The following EYS variants were observed in gnomAD, a reference collection of about 807,000 sequenced individuals.
The protein encoded by EYS is EGF-like photoreceptor maintenance factor.
A neutral mutation model predicts 282.1 loss-of-function variants in EYS; 250 were observed. The observed-to-expected ratio is 0.89, with a 90% CI of 0.80 to 0.98. The LOEUF is 0.98. EYS is among the 50% of genes least tolerant of loss of function. The pLI is 0.00. For synonymous variants in EYS, 1,355 were observed against 1,282.9 expected, an observed-to-expected ratio of 1.06 and a Z score of -1.20; for missense variants, 4,016 against 3,709.0, an observed-to-expected ratio of 1.08 and a Z score of -2.15.
intron 2 of EYS, among the ~76,000 whole-genome samples, chr6:65,512,425 C>A (rs1766923565): frequency 6.8e-6 from 1 of 147,170 alleles, no homozygotes; most frequent in Non-Finnish European, 1.5e-5. Context: ...GGAGGCGGAG[C>A]TTGCAGTGAG....
At chr6:64,532,894 T>C (rs1461776571) in intron 26 of EYS, among the ~76,000 whole-genome samples, 1 of 152,064 alleles carries the variant, frequency 6.6e-6, no homozygotes, top group Non-Finnish European at 1.5e-5. Context: ...AACCCCCTAT[T>C]TTGGATTCAG....
At chr6:65,175,359 T>C (rs1765200369) in intron 12 of EYS, among the ~76,000 whole-genome samples, 1 of 151,298 alleles carries the variant, frequency 6.6e-6, no homozygotes, top group African/African-American at 2.4e-5. Context: ...ACTATACCAG[T>C]CATAGTTAAA....
At chr6:64,373,785 G>A (rs995225590) in intron 29 of EYS, among the ~76,000 whole-genome samples, 5 of 152,118 alleles carry the variant, frequency 3.3e-5, no homozygotes, top group African/African-American at 4.8e-5. Context: ...AAGCAGGACC[G>A]TTGGACCAGA....
intron 28 of EYS, among the ~76,000 whole-genome samples, chr6:64,397,094 G>C (rs561365317): frequency 6.6e-6 from 1 of 151,878 alleles, no homozygotes; most frequent in Non-Finnish European, 1.5e-5. Flanking sequence ...TTTTAATTGA[G>C]ATAATTAAAT....
chr6:64,180,014 C>T (rs1764744354), intron 31 of EYS, among the ~76,000 whole-genome samples: 1 of 151,902 alleles, frequency 6.6e-6, no homozygotes, highest in Non-Finnish European at 1.5e-5. Flanking sequence ...TGAGATAAAA[C>T]AAAATGAATG....
At chr6:64,945,645 G>A (rs1037897239) in intron 15 of EYS, 148 bp downstream of exon 15, 12 of 624,662 alleles carry the variant, frequency 1.9e-5, no homozygotes, top group South Asian at 4.0e-5. Flanking sequence ...AAATGATTGC[G>A]ACACCATCTT....
intron 2 of EYS, among the ~76,000 whole-genome samples, chr6:65,602,987 G>A (rs1296628697): frequency 2.6e-5 from 4 of 151,942 alleles, no homozygotes; most frequent in African/African-American, 7.2e-5. Flanking sequence ...AAGCAGGTTC[G>A]GTAAGGGATG....
chr6:64,582,061 G>A (rs1766087582), intron 26 of EYS, among the ~76,000 whole-genome samples: 2 of 152,264 alleles, frequency 1.3e-5, no homozygotes, highest in South Asian at 2.1e-4. Flanking sequence ...AAGTTTTCCT[G>A]TAAAGAAGAA....
intron 35 of EYS, among the ~76,000 whole-genome samples, chr6:63,937,303 C>T (rs1765086696): frequency 7.8e-6 from 1 of 128,474 alleles, no homozygotes; most frequent in Non-Finnish European, 1.6e-5. Context: ...GAAGTGATAT[C>T]AGACACTGTC....
chr6:65,397,659 G>A (rs1473265448), intron 7 of EYS, among the ~76,000 whole-genome samples: 1 of 149,744 alleles, frequency 6.7e-6, no homozygotes, highest in Non-Finnish European at 1.5e-5. Flanking sequence ...GTCATCCATT[G>A]ATGGACACTT....
At chr6:64,934,603 T>C (rs1300417664) in intron 15 of EYS, among the ~76,000 whole-genome samples, 1 of 151,662 alleles carries the variant, frequency 6.6e-6, no homozygotes, top group Non-Finnish European at 1.5e-5. Context: ...AGCAGCAGAA[T>C]GATATATTTG....
intron 11 of EYS, chr6:65,330,443 G>A: frequency 1.0e-6 from 1 of 984,024 alleles, no homozygotes; most frequent in East Asian, 1.1e-4. Flanking sequence ...AATCTTTCCT[G>A]GTCTTAAGTA....
At chr6:65,674,306 AAAG>A (rs2149834349) in intron 1 of EYS, among the ~76,000 whole-genome samples, 1 of 152,054 alleles carries the variant, frequency 6.6e-6, no homozygotes, top group East Asian at 1.9e-4. Context: ...GCATAAACTC[AAAG>A]AAGACAACAA....
intron 2 of EYS, among the ~76,000 whole-genome samples, chr6:65,583,806 A>C (rs1179085746): frequency 1.3e-5 from 2 of 152,064 alleles, no homozygotes; most frequent in African/African-American, 4.8e-5. Flanking sequence ...CACAGTTTAC[A>C]TGAGTGGACA....
chr6:64,096,267 C>G (rs547377034), intron 31 of EYS, among the ~76,000 whole-genome samples: 1 of 152,216 alleles, frequency 6.6e-6, no homozygotes, highest in South Asian at 2.1e-4. Context: ...TTGTGGGATT[C>G]TCTGTATTTC....
intron 31 of EYS, among the ~76,000 whole-genome samples, chr6:64,133,952 G>A (rs1450281819): frequency 6.6e-6 from 1 of 151,990 alleles, no homozygotes; most frequent in Non-Finnish European, 1.5e-5. Context: ...CTTCTCTGAA[G>A]TGGTGATCTT....
intron 2 of EYS, among the ~76,000 whole-genome samples, chr6:65,553,456 C>G (rs945674431): frequency 6.6e-6 from 1 of 152,064 alleles, no homozygotes; most frequent in Non-Finnish European, 1.5e-5. Context: ...GATTATACTC[C>G]TGTCAATACT....
intron 31 of EYS, among the ~76,000 whole-genome samples, chr6:64,221,520 A>G (rs1415738156): frequency 6.6e-6 from 1 of 152,086 alleles, no homozygotes; most frequent in Non-Finnish European, 1.5e-5. Flanking sequence ...GTTTATTATA[A>G]ATTACCTAGT....
intron 30 of EYS, among the ~76,000 whole-genome samples, chr6:64,293,124 A>T: frequency 6.6e-6 from 1 of 152,134 alleles, no homozygotes; most frequent in East Asian, 1.9e-4. Flanking sequence ...AATGGGAAGG[A>T]CAGAATTTGC....
Sources: allele counts gnomAD v4.1 joint callset (sites outside exome capture counted in the v4.1 genomes callset), GRCh38; gene constraint gnomAD v4.1.1; transcripts MANE v1.5; gene names NCBI Gene and HGNC (gene_info 2026-07-23, HGNC 2026-07-21).